Variants in MBD2 observed in about 807,000 individuals in gnomAD.
The protein encoded by MBD2 is methyl-CpG binding domain protein 2, also known as methyl-CpG-binding domain protein 2.
Under a neutral mutation model 39.3 loss-of-function variants are expected in MBD2, and 9 were observed. The observed-to-expected ratio is 0.23, with a 90% CI of 0.14 to 0.40. The LOEUF is 0.40. Ranked by LOEUF, MBD2 falls within the 10% of genes least tolerant of loss-of-function variation. The probability of loss-of-function intolerance (pLI) is 1.00; values close to 1 mark genes in which losing one functional copy is unlikely to be tolerated. For missense variants in MBD2, 458 were observed against 532.6 expected, an observed-to-expected ratio of 0.86 and a Z score of 1.38; for synonymous variants, 233 against 211.1, an observed-to-expected ratio of 1.10 and a Z score of -0.90.
chr18:54,176,048 A>T (rs1301515197), intron 3 of MBD2, among the ~76,000 whole-genome samples: 1 of 152,258 alleles, frequency 6.6e-6, no homozygotes, highest in Non-Finnish European at 1.5e-5. Context: ...TATAAAACAG[A>T]AGAAGCAAAA....
chr18:54,185,575 G>A (rs747813361), intron 3 of MBD2, among the ~76,000 whole-genome samples: 1 of 152,060 alleles, frequency 6.6e-6, no homozygotes, highest in Admixed American at 6.5e-5. Context: ...ATTATGAAGG[G>A]GGTAAACTAG....
intron 2 of MBD2, among the ~76,000 whole-genome samples, chr18:54,193,213 T>C (rs1462667308): frequency 2.6e-5 from 4 of 152,208 alleles, no homozygotes; most frequent in African/African-American, 9.6e-5. Context: ...GTTTAGAATC[T>C]AAAGGACCAA....
intron 2 of MBD2, among the ~76,000 whole-genome samples, chr18:54,197,022 C>T (rs2086372056): frequency 6.6e-6 from 1 of 152,148 alleles, no homozygotes; most frequent in Non-Finnish European, 1.5e-5. Context: ...GCTAAATATC[C>T]TTTATGTATT....
intron 2 of MBD2, among the ~76,000 whole-genome samples, chr18:54,191,586 CAA>C (rs1463316708): frequency 6.6e-6 from 1 of 152,208 alleles, no homozygotes; most frequent in Non-Finnish European, 1.5e-5. Context: ...CATTCCTCAA[CAA>C]GTCACATTTG....
intron 2 of MBD2, among the ~76,000 whole-genome samples, chr18:54,189,502 G>A (rs62099782): frequency 1.2e-3 from 183 of 152,268 alleles, no homozygotes; most frequent in Admixed American, 2.0e-3. Context: ...GATTACAGGC[G>A]TGAGCCACCG....
At chr18:54,157,119 C>T (rs116923760) in intron 6 of MBD2, among the ~76,000 whole-genome samples, 1,699 of 152,232 alleles carry the variant, frequency 0.011, 19 homozygotes, top group Middle Eastern at 0.044. Context: ...TGAAAGACTT[C>T]CAGCATATTA....
At chr18:54,203,049 G>T in intron 2 of MBD2, 1 of 1,387,464 alleles carries the variant, frequency 7.2e-7, no homozygotes, top group Non-Finnish European at 1.0e-6. Flanking sequence ...GTATGAGCAA[G>T]CAGAGTCTTG....
In MBD2 at chr18:54,188,989, G is replaced by T; in HGVS notation, c.725C>A (p.Thr242Lys). The stretch of plus-strand genomic sequence containing the variant: ...TGATGCTGTTTGTCTAATTGGCAAT[G>T]TTGTATTCAAGTCTGGTTTACCCTG... ...QNKGKPDLNT[T>K]LPIRQTASIF... Residue 242 changes from threonine (T) to lysine (K), a missense_variant, in exon 3 of 7, where the codon ACA becomes AAA. Thr to Lys is a moderately conservative substitution (Grantham distance 78). Transcript: ENST00000256429. The T allele has an allele frequency of 6.2e-7, 1 of 1,607,294 alleles. No individual in the cohort carries two copies. The highest frequency in any genetic ancestry group is 1.1e-5 in the South Asian group (1 of 89,872).
intron 1 of MBD2, among the ~76,000 whole-genome samples, chr18:54,208,575 G>C (rs2086472506): frequency 6.6e-6 from 1 of 152,204 alleles, no homozygotes; most frequent in African/African-American, 2.4e-5. Context: ...CTCTAGAGTA[G>C]ACACCTTATT....
At chr18:54,197,138 TATTC>T (rs1035778595) in intron 2 of MBD2, among the ~76,000 whole-genome samples, 1 of 152,224 alleles carries the variant, frequency 6.6e-6, no homozygotes, top group Non-Finnish European at 1.5e-5. Flanking sequence ...TTTCTTCCTT[TATTC>T]ATTCATTAAA....
chr18:54,191,188 TAA>T (rs2086317849), intron 2 of MBD2, among the ~76,000 whole-genome samples: 1 of 152,298 alleles, frequency 6.6e-6, no homozygotes, highest in Admixed American at 6.5e-5. Flanking sequence ...GAGGGCTTGT[TAA>T]AACACAGGTG....
At chr18:54,155,557 A>G (rs2086046391) in intron 6 of MBD2, among the ~76,000 whole-genome samples, 1 of 152,218 alleles carries the variant, frequency 6.6e-6, no homozygotes, top group Admixed American at 6.5e-5. Context: ...AATCATATGT[A>G]TTCTTCTATG....
At chr18:54,202,052 A>G (rs530936433) in intron 2 of MBD2, among the ~76,000 whole-genome samples, 20 of 151,958 alleles carry the variant, frequency 1.3e-4, no homozygotes, top group Admixed American at 1.2e-3. Flanking sequence ...AGAGTTTAAA[A>G]ACAAAACATG....
intron 1 of MBD2, among the ~76,000 whole-genome samples, chr18:54,207,406 T>C (rs1211692583): frequency 6.6e-6 from 1 of 152,184 alleles, no homozygotes; most frequent in Non-Finnish European, 1.5e-5. Context: ...CGAAATTCTA[T>C]TTTCATTACA....
intron 1 of MBD2, among the ~76,000 whole-genome samples, chr18:54,213,149 T>C (rs2086524155): frequency 6.6e-6 from 1 of 151,180 alleles, no homozygotes; most frequent in East Asian, 1.9e-4. Flanking sequence ...CTATAGCTAA[T>C]AGTATTATCT....
rs12608387 is a variant in MBD2 at position 54,153,851 on chromosome 18, G to A, written c.*1473C>T. 0.56 allele frequency: 85,090 copies of A among 152,090 alleles called. 27,106 individuals are homozygous for A. Among genetic ancestry groups the A allele is most frequent in the East Asian group, 0.97 (5,015 of 5,180 alleles). The allele number at this position is 152,090 out of a possible 1,614,324, so 9.4% of individuals were successfully genotyped here. On this transcript the variant is annotated 3_prime_UTR_variant, in exon 7 of 7. Transcript: ENST00000256429. ...TAGGGTCCAGGGATCAAAGTTGAGC[G>A]TAAATCAGGAATTCCAAGAAGTATT...
chr18:54,157,312 G>A (rs1299018665), intron 6 of MBD2, among the ~76,000 whole-genome samples: 5 of 151,206 alleles, frequency 3.3e-5, no homozygotes, highest in African/African-American at 1.2e-4. Flanking sequence ...CCAGGCTGTA[G>A]TGCAGTGGCG....
chr18:54,175,911 T>C (rs1269743172), intron 3 of MBD2, among the ~76,000 whole-genome samples: 1 of 152,252 alleles, frequency 6.6e-6, no homozygotes, highest in Non-Finnish European at 1.5e-5. Context: ...AATTAAAATG[T>C]CTAACATTAA....
chr18:54,213,070 G>A (rs115372768), intron 1 of MBD2, among the ~76,000 whole-genome samples: 2,965 of 86,056 alleles, frequency 0.034, 134 homozygotes, highest in African/African-American at 0.12. Context: ...GATGGGTGGG[G>A]AAGGATTATG....
Sources: gnomAD v4.1 joint callset for allele counts (sites outside exome capture counted in the v4.1 genomes callset) on GRCh38, gnomAD v4.1.1 for gene constraint, MANE v1.5 for transcripts, NCBI Gene and HGNC (gene_info 2026-07-23, HGNC 2026-07-21) for gene names.